Variants in FRMD4A observed in about 807,000 individuals in gnomAD.
The protein encoded by FRMD4A is FERM domain-containing protein 4A.
Under a neutral mutation model 129.1 loss-of-function variants are expected in FRMD4A, and 29 were observed. That is an observed-to-expected ratio of 0.22 (90% CI 0.17 to 0.31). The LOEUF (loss-of-function observed/expected upper bound fraction) is 0.31, where lower values mean the gene tolerates loss of function less well. Ranked by LOEUF, FRMD4A falls within the 10% of genes least tolerant of loss-of-function variation. The probability of loss-of-function intolerance (pLI) is 1.00; values close to 1 mark genes in which losing one functional copy is unlikely to be tolerated. For missense variants in FRMD4A, 1,272 were observed against 1,375.8 expected (o/e 0.92, Z 1.19); for synonymous variants, 634 against 571.6 (o/e 1.11, Z -1.56).
At chr10:14,001,094 T>C (rs564992890) in intron 2 of FRMD4A, among the ~76,000 whole-genome samples, 28 of 152,300 alleles carry the variant, frequency 1.8e-4, no homozygotes, top group Admixed American at 7.8e-4. Flanking sequence ...TATGCTAGCA[T>C]CTTGCCCAAA....
At chr10:13,898,965 T>C (rs1040821795) in intron 2 of FRMD4A, among the ~76,000 whole-genome samples, 3 of 152,112 alleles carry the variant, frequency 2.0e-5, no homozygotes, top group African/African-American at 7.2e-5. Context: ...GGAGGATCAC[T>C]TGAGGCTAGG....
chr10:13,847,425 C>A (rs1402216575), intron 3 of FRMD4A, among the ~76,000 whole-genome samples: 2 of 152,274 alleles, frequency 1.3e-5, no homozygotes, highest in South Asian at 2.1e-4. Context: ...TTTCCCCAGA[C>A]CGTTCGCTTC....
At chr10:14,026,190 A>C (rs1832977962) in intron 2 of FRMD4A, among the ~76,000 whole-genome samples, 1 of 152,098 alleles carries the variant, frequency 6.6e-6, no homozygotes, top group African/African-American at 2.4e-5. Flanking sequence ...CTTTACAGTA[A>C]AACTCCCCTC....
intron 2 of FRMD4A, among the ~76,000 whole-genome samples, chr10:14,044,090 A>C (rs374460201): frequency 1.3e-5 from 2 of 152,080 alleles, no homozygotes; most frequent in East Asian, 3.9e-4. Context: ...TAAACTCCCT[A>C]GGTGCTGGGA....
intron 2 of FRMD4A, among the ~76,000 whole-genome samples, chr10:14,196,810 GAC>G (rs1842484281): frequency 6.6e-6 from 1 of 152,186 alleles, no homozygotes; most frequent in Non-Finnish European, 1.5e-5. Flanking sequence ...TAAAGCGCTA[GAC>G]AATTCATTCC....
At chr10:13,959,778 G>T (rs1409431041) in intron 2 of FRMD4A, among the ~76,000 whole-genome samples, 3 of 152,160 alleles carry the variant, frequency 2.0e-5, no homozygotes, top group Non-Finnish European at 4.4e-5. Context: ...TGCCATTCCT[G>T]GATCAGAGCC....
In FRMD4A at chr10:14,202,091, T is replaced by C. The variant is rs576704477; in HGVS notation, c.45+127967A>G. On this transcript the variant is annotated intron_variant, in intron 2 of 24. Transcript: ENST00000357447. ...AGGGGGAGGTTGCAGTGAGCTGAGA[T>C]CGTGCCATTGTACTCCAACCTGGGC... 4.0e-5 allele frequency among the ~76,000 whole-genome samples: 6 copies of C among 151,438 alleles called. No individual in the cohort carries two copies. The East Asian group carries it at 1.2e-3, about 30-fold the overall frequency.
intron 3 of FRMD4A, among the ~76,000 whole-genome samples, chr10:13,833,467 A>T (rs11258663): frequency 0.032 from 4,914 of 152,242 alleles, 180 homozygotes; most frequent in East Asian, 0.13. Context: ...TTGGGTGGGA[A>T]CACAGCCAAA....
chr10:13,992,152 TCAGCAAGA>T (rs2095605573), intron 2 of FRMD4A, among the ~76,000 whole-genome samples: 1 of 152,254 alleles, frequency 6.6e-6, no homozygotes, highest in African/African-American at 2.4e-5. Flanking sequence ...GCTGGCTTTC[TCAGCAAGA>T]TGATACTAAG....
intron 2 of FRMD4A, among the ~76,000 whole-genome samples, chr10:14,225,758 T>C (rs1217194619): frequency 2.0e-5 from 3 of 152,230 alleles, no homozygotes; most frequent in East Asian, 3.8e-4. Flanking sequence ...CTGTAAGTGA[T>C]AGAAGAAGCT....
At chr10:13,761,726 T>C in intron 7 of FRMD4A, 57 bp from the exon 8 acceptor site, 2 of 1,140,564 alleles carry the variant, frequency 1.8e-6, no homozygotes, top group Non-Finnish European at 2.6e-6. Context: ...TTAGAGACTC[T>C]AAAGTACATT....
chr10:13,752,375 A>G (rs1315147318), intron 8 of FRMD4A, among the ~76,000 whole-genome samples: 1 of 152,234 alleles, frequency 6.6e-6, no homozygotes, highest in Non-Finnish European at 1.5e-5. Context: ...CACAAAGTGA[A>G]GGGAGCAAAA....
intron 2 of FRMD4A, among the ~76,000 whole-genome samples, chr10:14,161,851 A>G (rs1465177834): frequency 6.6e-6 from 1 of 152,068 alleles, no homozygotes; most frequent in African/African-American, 2.4e-5. Flanking sequence ...AAGGTGATGG[A>G]CCCCCTAAAA....
intron 2 of FRMD4A, among the ~76,000 whole-genome samples, chr10:14,174,653 T>A (rs1261904143): frequency 6.6e-6 from 1 of 151,952 alleles, no homozygotes; most frequent in African/African-American, 2.4e-5. Flanking sequence ...TTCTGGTCTG[T>A]GTACAGAAAG....
At chr10:14,205,160 A>C (rs7086417) in intron 2 of FRMD4A, among the ~76,000 whole-genome samples, 1 of 151,960 alleles carries the variant, frequency 6.6e-6, no homozygotes, top group South Asian at 2.1e-4. Flanking sequence ...CATAGGAAAA[A>C]AAATTCTATT....
At chr10:14,059,390 A>G (rs1288949055) in intron 2 of FRMD4A, among the ~76,000 whole-genome samples, 1 of 152,222 alleles carries the variant, frequency 6.6e-6, no homozygotes, top group Non-Finnish European at 1.5e-5. Context: ...ATTAAAAATA[A>G]ATAATATCAT....
In FRMD4A at chr10:13,670,521, G is replaced by A. The variant is rs2083426336; in HGVS notation, c.1259C>T (p.Thr420Met). 1.7e-5 allele frequency: 28 copies of A among 1,612,260 alleles called. No individual in the cohort carries two copies. The highest frequency in any genetic ancestry group is 2.2e-5 in the Non-Finnish European group (26 of 1,178,972). ...GGGATATTCTACTGGCAGCTTGCCC[G>A]TGAGCTCCTGCATATGTGAAATGGC... ...KKLCLREAELTGKLPVEYPLD... is the reference protein window; with the variant it reads ...KKLCLREAELMGKLPVEYPLD... The change falls in exon 17 of 25, where the codon ACG (threonine) becomes ATG (methionine). Residue 420 changes from threonine (T) to methionine (M), a missense_variant. Physicochemically the swap from Thr to Met is moderately conservative, Grantham distance 81 (BLOSUM62 -1). Around this residue, in one of 2 missense-constraint regions of FRMD4A, gnomAD observed 972 missense variants for 892.3 expected, o/e 1.09. Coordinates refer to ENST00000357447, the MANE Select transcript of FRMD4A (RefSeq NM_018027.5).
chr10:13,899,499 A>G (rs2094795529), intron 2 of FRMD4A, among the ~76,000 whole-genome samples: 2 of 152,206 alleles, frequency 1.3e-5, no homozygotes, highest in South Asian at 2.1e-4. Context: ...TTGGGATGTA[A>G]AAAGGTGAAG....
chr10:14,014,418 A>G (rs1005628754), intron 2 of FRMD4A, among the ~76,000 whole-genome samples: 1 of 152,218 alleles, frequency 6.6e-6, no homozygotes, highest in Non-Finnish European at 1.5e-5. Flanking sequence ...GTACATTCTT[A>G]AAAGACTTGG....
Sources: gnomAD v4.1 joint callset for allele counts (sites outside exome capture counted in the v4.1 genomes callset) on GRCh38, gnomAD v4.1.1 for gene constraint, gnomAD v4.1.1 regional missense constraint, MANE v1.5 for transcripts, NCBI Gene and HGNC (gene_info 2026-07-23, HGNC 2026-07-21) for gene names.